AGBL4: variants seen among roughly 807,000 people sequenced by gnomAD.
AGBL4 encodes the protein AGBL carboxypeptidase 4, also known as cytosolic carboxypeptidase 6.
A neutral mutation model predicts 66.4 loss-of-function variants in AGBL4; 58 were observed. That is an observed-to-expected ratio of 0.87 (90% CI 0.71 to 1.09). AGBL4 has a LOEUF of 1.09. AGBL4 is among the 50% of genes least tolerant of loss of function. AGBL4 has a pLI of 0.00. For missense variants in AGBL4, 579 were observed against 631.0 expected, an observed-to-expected ratio of 0.92 and a Z score of 0.88; for synonymous variants, 234 against 222.9, an observed-to-expected ratio of 1.05 and a Z score of -0.44.
Position 49,158,986 on chromosome 1 carries a change from CA to C in AGBL4, c.377+86783del, listed in dbSNP as rs1259692316. Among the ~76,000 whole-genome samples the C allele has an allele frequency of 4.0e-5, 6 of 149,190 alleles. No homozygotes were observed. In the Admixed American group the frequency reaches 4.1e-4, roughly 10 times the overall value. On this transcript the variant is annotated intron_variant, in intron 4 of 13. Coordinates refer to ENST00000371839, the MANE Select transcript of AGBL4 (RefSeq NM_032785.4). ...GCATACGAGATGGGTCTCCTGAATA[CA>C]GCACACCGATGGGTCTTGTCTCTTT...
At position 48,533,175 on chromosome 1, in the gene AGBL4, C is replaced by T. The variant is rs1481750116; in HGVS notation, c.*998G>A. On this transcript the variant is annotated 3_prime_UTR_variant, in exon 14 of 14. Transcript: ENST00000371839. ...CCGGGAGGTCATTTTAATTAGCAGG[C>T]TGTCATGGTGACTCAGCCTGCTGTT... 6.6e-6 allele frequency: 1 copy of T among 152,144 alleles called. No homozygotes were observed. Among genetic ancestry groups the T allele is most frequent in the Non-Finnish European group, 1.5e-5 (1 of 68,032 alleles). The allele number at this position is 152,144 out of a possible 1,614,324, so 9.4% of individuals were successfully genotyped here.
intron 4 of AGBL4, among the ~76,000 whole-genome samples, chr1:49,052,904 T>G (rs1009383427): frequency 6.6e-6 from 1 of 152,218 alleles, no homozygotes; most frequent in Non-Finnish European, 1.5e-5. Flanking sequence ...AGTCATTGTA[T>G]AGTAGAACTA....
intron 3 of AGBL4, among the ~76,000 whole-genome samples, chr1:49,289,070 C>A (rs1042755827): frequency 6.6e-6 from 1 of 151,892 alleles, no homozygotes; most frequent in Non-Finnish European, 1.5e-5. Flanking sequence ...ATCTGACCCA[C>A]AGGCCAATCA....
At chr1:49,073,080 G>A (rs1372548421) in intron 4 of AGBL4, among the ~76,000 whole-genome samples, 3 of 152,108 alleles carry the variant, frequency 2.0e-5, no homozygotes, top group Non-Finnish European at 2.9e-5. Flanking sequence ...CTCGTGCTAC[G>A]TTTTTCAGCT....
intron 1 of AGBL4, among the ~76,000 whole-genome samples, chr1:49,863,633 G>C (rs1176563770): frequency 6.6e-6 from 1 of 152,098 alleles, no homozygotes; most frequent in Non-Finnish European, 1.5e-5. Flanking sequence ...ATTTGAATAG[G>C]CATTTTGGAA....
chr1:49,595,277 G>T (rs755244337), intron 3 of AGBL4, among the ~76,000 whole-genome samples: 1 of 152,000 alleles, frequency 6.6e-6, no homozygotes, highest in Non-Finnish European at 1.5e-5. Context: ...TTTTAGTAGA[G>T]ACGGGGTTTC....
chr1:49,323,433 C>T (rs1645165613), intron 3 of AGBL4, among the ~76,000 whole-genome samples: 2 of 151,344 alleles, frequency 1.3e-5, no homozygotes, highest in Non-Finnish European at 2.9e-5. Flanking sequence ...AGGCGCACGC[C>T]GCCATGCCTG....
At chr1:48,867,829 C>A (rs996307761) in intron 5 of AGBL4, among the ~76,000 whole-genome samples, 1 of 152,176 alleles carries the variant, frequency 6.6e-6, no homozygotes, top group Non-Finnish European at 1.5e-5. Flanking sequence ...AATATTCACA[C>A]AGAATAATAT....
At chr1:49,878,413 ATG>A (rs2148132879) in intron 1 of AGBL4, among the ~76,000 whole-genome samples, 1 of 151,026 alleles carries the variant, frequency 6.6e-6, no homozygotes, top group South Asian at 2.1e-4. Flanking sequence ...TCATTTCGTT[ATG>A]TACCCAGTAG....
chr1:49,802,355 C>T (rs1644881256), intron 2 of AGBL4, among the ~76,000 whole-genome samples: 1 of 152,126 alleles, frequency 6.6e-6, no homozygotes, highest in African/African-American at 2.4e-5. Flanking sequence ...AAGGCATACT[C>T]CCTTCTGAGA....
intron 1 of AGBL4, among the ~76,000 whole-genome samples, chr1:49,953,703 A>G (rs980959442): frequency 6.8e-6 from 1 of 146,962 alleles, no homozygotes; most frequent in Non-Finnish European, 1.5e-5. Flanking sequence ...TCCAAACTCC[A>G]AAAAAAAAAA....
intron 3 of AGBL4, among the ~76,000 whole-genome samples, chr1:49,657,526 C>T (rs1646168121): frequency 6.6e-6 from 1 of 152,080 alleles, no homozygotes; most frequent in Non-Finnish European, 1.5e-5. Flanking sequence ...TCATAGGGAA[C>T]CAAAAAAGAA....
chr1:49,597,920 AG>A (rs1408775285), intron 3 of AGBL4, among the ~76,000 whole-genome samples: 1 of 152,202 alleles, frequency 6.6e-6, no homozygotes. Flanking sequence ...TTTTGGGCTG[AG>A]CCGATGGGGT....
At chr1:49,982,128 T>C (rs202194117) in intron 1 of AGBL4, among the ~76,000 whole-genome samples, 43 of 152,354 alleles carry the variant, frequency 2.8e-4, no homozygotes, top group Middle Eastern at 3.4e-3. Flanking sequence ...TACAGTTGAA[T>C]GGTGATCATT....
chr1:48,814,155 G>A (rs567692635), intron 6 of AGBL4, among the ~76,000 whole-genome samples: 97 of 152,106 alleles, frequency 6.4e-4, no homozygotes, highest in Non-Finnish European at 1.0e-3. Flanking sequence ...TTGTCCCCCA[G>A]TTCCCTGTCA....
At chr1:49,026,493 G>A (rs1017291555) in intron 5 of AGBL4, among the ~76,000 whole-genome samples, 1 of 152,102 alleles carries the variant, frequency 6.6e-6, no homozygotes, top group Non-Finnish European at 1.5e-5. Context: ...TATAGCTGAG[G>A]GGAATCAAGG....
chr1:48,950,010 C>A (rs1656832099), intron 5 of AGBL4, among the ~76,000 whole-genome samples: 1 of 152,184 alleles, frequency 6.6e-6, no homozygotes, highest in African/African-American at 2.4e-5. Flanking sequence ...CTGAGTCCAG[C>A]ATATTATAAC....
intron 1 of AGBL4, among the ~76,000 whole-genome samples, chr1:49,938,572 T>A (rs1289774152): frequency 6.6e-6 from 1 of 152,178 alleles, no homozygotes; most frequent in Non-Finnish European, 1.5e-5. Flanking sequence ...ATATCCTTGA[T>A]GAACATTGAT....
chr1:49,444,790 T>C (rs1189971930), intron 3 of AGBL4, among the ~76,000 whole-genome samples: 1 of 152,094 alleles, frequency 6.6e-6, no homozygotes, highest in Middle Eastern at 3.2e-3. Context: ...ATTATTGATA[T>C]ATGAGTCTTT....
Sources: allele counts gnomAD v4.1 joint callset (sites outside exome capture counted in the v4.1 genomes callset), GRCh38; gene constraint gnomAD v4.1.1; transcripts MANE v1.5; gene names NCBI Gene and HGNC (gene_info 2026-07-23, HGNC 2026-07-21).